RERE: variants seen among roughly 807,000 people sequenced by gnomAD.
RERE encodes the protein arginine-glutamic acid dipeptide repeats.
In RERE, 40 loss-of-function variants were observed where a neutral mutation model predicts 146.1. The ratio of observed to expected loss-of-function variants is 0.27; its 90% CI spans 0.21 to 0.36. RERE has a LOEUF of 0.36. Among genes scored for constraint, RERE ranks in the 10% least tolerant of loss-of-function variants. RERE has a pLI of 1.00. For missense variants in RERE, 1,933 were observed against 2,138.7 expected (o/e 0.90, Z 1.90); for synonymous variants, 1,003 against 866.0 (o/e 1.16, Z -2.78).
intron 12 of RERE, 123 bp from the exon 13 acceptor site, chr1:8,366,097 AGTC>A: frequency 9.7e-7 from 1 of 1,030,238 alleles, no homozygotes. Flanking sequence ...AATAAAGACC[AGTC>A]GCTCCTGGAG....
In RERE at chr1:8,656,288, C is replaced by T; in HGVS notation, c.10G>A (p.Asp4Asn). 6.2e-7 allele frequency: 1 copy of T among 1,612,910 alleles called. No homozygotes were observed. The highest frequency in any genetic ancestry group is 1.1e-5 in the South Asian group (1 of 91,012). MTADKDKDKDKEKD... is the reference protein window; with the variant it reads MTANKDKDKDKEKD... ...TCTTTGTCTTTGTCTTTGTCTTTGT[C>T]CGCTGTCATGATTCGCCACGTGCCT... The change falls in exon 2 of 23, where the codon GAC (aspartate) becomes AAC (asparagine). Residue 4 changes from aspartate (D) to asparagine (N), a missense_variant. Physicochemically the swap from Asp to Asn is conservative, Grantham distance 23. Transcript: ENST00000400908.
At chr1:8,640,521 G>A (rs746400830) in intron 2 of RERE, among the ~76,000 whole-genome samples, 3 of 152,194 alleles carry the variant, frequency 2.0e-5, no homozygotes, top group Admixed American at 6.5e-5. Flanking sequence ...GAAATCTAGA[G>A]ATGTAAGTCA....
At chr1:8,547,849 C>G (rs185235173) in intron 6 of RERE, among the ~76,000 whole-genome samples, 1 of 152,064 alleles carries the variant, frequency 6.6e-6, no homozygotes, top group South Asian at 2.1e-4. Context: ...CCCAGCAATC[C>G]CACTATTATA....
intron 1 of RERE, among the ~76,000 whole-genome samples, chr1:8,712,792 A>G (rs1424951749): frequency 6.6e-6 from 1 of 151,948 alleles, no homozygotes; most frequent in African/African-American, 2.4e-5. Context: ...TTTTTAATGA[A>G]AAACAAAATA....
At chr1:8,604,654 A>G (rs574961934) in intron 4 of RERE, among the ~76,000 whole-genome samples, 1,728 of 144,894 alleles carry the variant, frequency 0.012, 92 homozygotes, top group African/African-American at 0.045. Flanking sequence ...GGAAGGAAGG[A>G]AGGAAGGAAG....
chr1:8,376,212 T>C (rs1642245687), intron 12 of RERE, among the ~76,000 whole-genome samples: 1 of 152,232 alleles, frequency 6.6e-6, no homozygotes, highest in South Asian at 2.1e-4. Context: ...CTTTGATCTC[T>C]GGAATCTCTG....
At chr1:8,521,531 CT>C (rs1344478828) in intron 7 of RERE, among the ~76,000 whole-genome samples, 2 of 152,094 alleles carry the variant, frequency 1.3e-5, no homozygotes, top group Non-Finnish European at 2.9e-5. Flanking sequence ...ATAATCATAT[CT>C]ACATGAGCTT....
intron 1 of RERE, among the ~76,000 whole-genome samples, chr1:8,750,145 T>A (rs1640501000): frequency 1.1e-5 from 1 of 90,170 alleles, no homozygotes; most frequent in African/African-American, 4.1e-5. Flanking sequence ...AACAAGCCTC[T>A]GTCTCAAAAA....
rs1002686250 is a variant in RERE, at chr1:8,356,402, A to T, written c.4340-156T>A. On this transcript the variant is annotated intron_variant, in intron 20 of 22. Coordinates refer to ENST00000400908, the MANE Select transcript of RERE (RefSeq NM_001042681.2). The surrounding 1 kb of genome is among the most constrained non-coding windows in gnomAD (Gnocchi z 5.2). ...CTGGCTACAGGTGGCCCTGCCCCAA[A>T]GTGGCTGCCTCCACCTTCAGCAAGA... Among the ~76,000 whole-genome samples, 1 of 152,244 alleles carries T rather than the reference A, an allele frequency of 6.6e-6. No homozygotes were observed. Among genetic ancestry groups the T allele is most frequent in the South Asian group, 2.1e-4 (1 of 4,826 alleles).
At chr1:8,450,075 G>C (rs1644372449) in intron 11 of RERE, among the ~76,000 whole-genome samples, 1 of 152,078 alleles carries the variant, frequency 6.6e-6, no homozygotes, top group Non-Finnish European at 1.5e-5. Flanking sequence ...AATCCCATGA[G>C]AACAGTACCT....
At chr1:8,642,676 C>A (rs1218145622) in intron 2 of RERE, among the ~76,000 whole-genome samples, 1 of 152,158 alleles carries the variant, frequency 6.6e-6, no homozygotes, top group Non-Finnish European at 1.5e-5. Context: ...GATTTATAAG[C>A]TGAATTTTTT....
At chr1:8,397,083 T>C (rs1008810061) in intron 12 of RERE, among the ~76,000 whole-genome samples, 2 of 152,244 alleles carry the variant, frequency 1.3e-5, no homozygotes, top group African/African-American at 4.8e-5. Context: ...GTTTACTATG[T>C]GACAGATACT....
At chr1:8,670,554 T>A (rs1317352590) in intron 1 of RERE, among the ~76,000 whole-genome samples, 9 of 152,100 alleles carry the variant, frequency 5.9e-5, no homozygotes, top group Admixed American at 5.9e-4. Context: ...AGCTGGGCAA[T>A]GGCCATGGAG....
intron 12 of RERE, among the ~76,000 whole-genome samples, chr1:8,411,891 C>T (rs896640594): frequency 8.5e-5 from 13 of 152,254 alleles, no homozygotes; most frequent in African/African-American, 3.1e-4. Flanking sequence ...GGCCTATTTC[C>T]TTTAGAACTT....
intron 6 of RERE, 43 bp downstream of exon 6, chr1:8,556,432 G>T: frequency 1.7e-6 from 2 of 1,145,088 alleles, no homozygotes; most frequent in Non-Finnish European, 2.7e-6. Flanking sequence ...CCTGCACTCA[G>T]TGACTCCTCC....
At chr1:8,701,067 T>TA (rs1306458910) in intron 1 of RERE, among the ~76,000 whole-genome samples, 1 of 152,124 alleles carries the variant, frequency 6.6e-6, no homozygotes, top group African/African-American at 2.4e-5. Flanking sequence ...CAGTGTAAGA[T>TA]AAAACTACCC....
intron 4 of RERE, among the ~76,000 whole-genome samples, chr1:8,597,046 G>A (rs1646563188): frequency 1.3e-5 from 2 of 151,712 alleles, no homozygotes; most frequent in South Asian, 4.2e-4. Context: ...CTCATATGTA[G>A]TTAAAACAGC....
rs1443599539 is a variant in RERE at position 8,502,243 on chromosome 1, C to T, written c.880-4714G>A. Among the ~76,000 whole-genome samples the T allele has an allele frequency of 8.0e-5, 9 of 111,938 alleles. 1 individual carries two copies. The highest frequency in any genetic ancestry group is 2.9e-4 in the East Asian group (1 of 3,432). The allele number at this position is 111,938 out of a possible 152,430, so 73.4% of individuals were successfully genotyped here. On this transcript the variant is annotated intron_variant, in intron 8 of 22. Coordinates refer to ENST00000400908, the MANE Select transcript of RERE (RefSeq NM_001042681.2). ...CAGCCCCCCGCCTGGCCAGCCACCCCGTCCGGGAGGTGAGGGGCGCCTCTG... is the reference window on the plus strand; with the variant it reads ...CAGCCCCCCGCCTGGCCAGCCACCCTGTCCGGGAGGTGAGGGGCGCCTCTG...
chr1:8,698,554 C>T (rs1639382236), intron 1 of RERE, among the ~76,000 whole-genome samples: 1 of 152,178 alleles, frequency 6.6e-6, no homozygotes, highest in African/African-American at 2.4e-5. Context: ...CTTAAAACTA[C>T]AACTACAAAA....
Sources: allele counts gnomAD v4.1 joint callset (sites outside exome capture counted in the v4.1 genomes callset), GRCh38; gene constraint gnomAD v4.1.1; non-coding constraint Gnocchi (gnomAD v3.1); transcripts MANE v1.5; gene names NCBI Gene and HGNC (gene_info 2026-07-23, HGNC 2026-07-21).